Variants in LHFPL7 observed in about 807,000 individuals in gnomAD.
LHFPL7 encodes LHFPL tetraspan subfamily member 7.
At chr22:24,937,814 G>A in the LHFPL7 span, among the ~76,000 whole-genome samples, 2 of 152,212 alleles carry the variant, frequency 1.3e-5, no homozygotes, top group African/African-American at 2.4e-5. Context: ...TCTCAGCTGG[G>A]CATGCTTGCA....
the LHFPL7 span, among the ~76,000 whole-genome samples, chr22:24,940,153 C>T: frequency 6.7e-6 from 1 of 149,752 alleles, no homozygotes; most frequent in South Asian, 2.1e-4. Context: ...ATCTCGATCT[C>T]CTGACCTTGT....
chr22:24,941,002 C>G, the LHFPL7 span, among the ~76,000 whole-genome samples: 1 of 151,854 alleles, frequency 6.6e-6, no homozygotes, highest in Admixed American at 6.6e-5. Flanking sequence ...AACAAGGTCT[C>G]CCTATATTGG....
the LHFPL7 span, chr22:24,935,394 C>T: frequency 5.6e-6 from 9 of 1,613,764 alleles, no homozygotes; most frequent in South Asian, 7.7e-5. Context: ...GATGATGGTC[C>T]TCCCTTGGAC....
chr22:24,943,940 G>A, the LHFPL7 span, among the ~76,000 whole-genome samples: 1 of 152,144 alleles, frequency 6.6e-6, no homozygotes, highest in South Asian at 2.1e-4. Flanking sequence ...TCTGTAAATT[G>A]GAGGGGTTGA....
the LHFPL7 span, among the ~76,000 whole-genome samples, chr22:24,943,674 T>C: frequency 3.3e-5 from 5 of 152,182 alleles, no homozygotes; most frequent in African/African-American, 7.2e-5. Context: ...AGGCTCGGGT[T>C]CTGGGCCCTA....
the LHFPL7 span, among the ~76,000 whole-genome samples, chr22:24,944,033 C>T: frequency 3.9e-5 from 6 of 152,276 alleles, no homozygotes; most frequent in Admixed American, 6.5e-5. Flanking sequence ...GTGAACAGAA[C>T]GTAGTCCCCA....
the LHFPL7 span, among the ~76,000 whole-genome samples, chr22:24,940,271 C>T: frequency 1.1e-4 from 16 of 147,728 alleles, no homozygotes; most frequent in African/African-American, 3.9e-4. Context: ...TAAAGGGCTG[C>T]TTCTACCCAG....
the LHFPL7 span, among the ~76,000 whole-genome samples, chr22:24,937,299 AAG>A: frequency 6.6e-6 from 1 of 152,142 alleles, no homozygotes; most frequent in African/African-American, 2.4e-5. Flanking sequence ...AATCTGGGGA[AAG>A]AGGAGTCCAG....
the LHFPL7 span, among the ~76,000 whole-genome samples, chr22:24,942,446 T>G: frequency 6.6e-6 from 1 of 152,118 alleles, no homozygotes; most frequent in African/African-American, 2.4e-5. Flanking sequence ...CCCAGAAGGG[T>G]GAGCCTGCCC....
the LHFPL7 span, among the ~76,000 whole-genome samples, chr22:24,937,576 C>A: frequency 1.3e-5 from 2 of 152,166 alleles, no homozygotes; most frequent in Non-Finnish European, 2.9e-5. Flanking sequence ...GCCAAATAGA[C>A]ACTAAGGGGG....
the LHFPL7 span, among the ~76,000 whole-genome samples, chr22:24,941,751 C>T: frequency 6.6e-6 from 1 of 150,630 alleles, no homozygotes; most frequent in Non-Finnish European, 1.5e-5. Flanking sequence ...GCTCACGTAA[C>T]CTCCGACTCC....
chr22:24,935,416 G>A, the LHFPL7 span: 3 of 1,613,998 alleles, frequency 1.9e-6, no homozygotes, highest in Admixed American at 3.3e-5. Flanking sequence ...TTGGTTGTGT[G>A]GGGCCAGCTG....
the LHFPL7 span, among the ~76,000 whole-genome samples, chr22:24,941,593 C>A: frequency 7.8e-6 from 1 of 127,940 alleles, no homozygotes; most frequent in Non-Finnish European, 1.6e-5. Flanking sequence ...TTTGATTTTG[C>A]GTATATTTGT....
At chr22:24,935,920 C>T in the LHFPL7 span, among the ~76,000 whole-genome samples, 1 of 152,188 alleles carries the variant, frequency 6.6e-6, no homozygotes, top group African/African-American at 2.4e-5. Flanking sequence ...CATCTGCTCA[C>T]CCATCATCCA....
the LHFPL7 span, chr22:24,935,338 T>G: frequency 6.2e-7 from 1 of 1,611,786 alleles, no homozygotes; most frequent in Non-Finnish European, 8.5e-7. Context: ...GATTTTTATT[T>G]GTTCATTTCT....
At chr22:24,944,699 C>A in the LHFPL7 span, among the ~76,000 whole-genome samples, 3,433 of 150,948 alleles carry the variant, frequency 0.023, 134 homozygotes, top group African/African-American at 0.079. Flanking sequence ...GGGCTACAGG[C>A]ATGCACCAAC....
At chr22:24,940,747 TTCCC>T in the LHFPL7 span, among the ~76,000 whole-genome samples, 28 of 140,566 alleles carry the variant, frequency 2.0e-4, no homozygotes, top group Admixed American at 1.5e-3. Context: ...CCTTCCTTCC[TTCCC>T]TCCCTCCCTC....
chr22:24,942,694 T>C, the LHFPL7 span, among the ~76,000 whole-genome samples: 1 of 152,128 alleles, frequency 6.6e-6, no homozygotes, highest in Non-Finnish European at 1.5e-5. Flanking sequence ...AGTTTCTCCA[T>C]CTGTACAAGA....
the LHFPL7 span, chr22:24,935,199 A>C: frequency 8.3e-7 from 1 of 1,211,366 alleles, no homozygotes. Context: ...CAGAAGAAAA[A>C]ACTGTTCCAG....
Sources: gnomAD v4.1 joint callset for allele counts (sites outside exome capture counted in the v4.1 genomes callset) on GRCh38, gnomAD v4.1.1 for gene constraint, MANE v1.5 for transcripts, NCBI Gene and HGNC (gene_info 2026-07-23, HGNC 2026-07-21) for gene names.